ZNF534: variants seen among roughly 807,000 people sequenced by gnomAD.
ZNF534 encodes zinc finger protein 534, also known as KRAB domain only 3.
In ZNF534, 19 loss-of-function variants were observed where a neutral mutation model predicts 13.6. That is an observed-to-expected ratio of 1.40 (90% CI 0.97 to 2.05). ZNF534 has a LOEUF of 2.05. Ranked by LOEUF, ZNF534 falls within the 30% of genes most tolerant of loss-of-function variation. The probability of loss-of-function intolerance (pLI) is 0.00; values close to 1 mark genes in which losing one functional copy is unlikely to be tolerated. For synonymous variants in ZNF534, 244 were observed against 273.8 expected, an observed-to-expected ratio of 0.89 and a Z score of 1.07; for missense variants, 782 against 796.3, an observed-to-expected ratio of 0.98 and a Z score of 0.22.
At chr19:52,430,023 T>A in intron 1 of ZNF534, among the ~76,000 whole-genome samples, 1 of 151,462 alleles carries the variant, frequency 6.6e-6, no homozygotes, top group African/African-American at 2.4e-5. Context: ...ATTTTTTTTT[T>A]GGGTTTTTTT....
Position 52,438,667 on chromosome 19 carries a change from A to G in ZNF534, c.1207A>G (p.Ile403Val). The G allele has an allele frequency of 6.3e-7, 1 of 1,581,788 alleles. No homozygotes were observed. The highest frequency in any genetic ancestry group is 2.3e-5 in the East Asian group (1 of 43,082). ...GNSRLARHRK[I>V]HTGGRRYKCN... ...TTCACGCCTTGCACGACATAGGAAA[A>G]TTCATACTGGGGGGAGGCGTTACAA... The change falls in exon 5 of 5, where the codon ATT (isoleucine) becomes GTT (valine). Residue 403 changes from isoleucine (I) to valine (V), a missense_variant. This residue lies in a region of ZNF534 where 591 missense variants were observed against 574.0 expected (regional missense o/e 1.03). Transcript: ENST00000433050.
intron 4 of ZNF534, among the ~76,000 whole-genome samples, chr19:52,449,053 C>T (rs898584320): frequency 6.6e-6 from 1 of 152,136 alleles, no homozygotes; most frequent in Admixed American, 6.5e-5. Context: ...TCTCTACCTC[C>T]ATGAGATTAA....
At chr19:52,444,472 G>C (rs572585500), downstream of ZNF534, among the ~76,000 whole-genome samples, 4 of 152,278 alleles carry the variant, frequency 2.6e-5, no homozygotes, top group East Asian at 5.8e-4. Flanking sequence ...TTTTGTGCTG[G>C]TTGGCCTCCT....
chr19:52,432,674 C>T (rs2059095667), intron 2 of ZNF534, among the ~76,000 whole-genome samples: 1 of 149,026 alleles, frequency 6.7e-6, no homozygotes, highest in South Asian at 2.1e-4. Flanking sequence ...GCCCTGTCAC[C>T]CAGGCTGGAG....
rs770219049 is a variant in ZNF534, at chr19:52,438,611, G to GTAA, written c.1153_1155dup (p.Asn385dup). 1 of 1,589,754 alleles carries GTAA rather than the reference G, an allele frequency of 6.3e-7. No homozygotes were observed. The highest frequency in any genetic ancestry group is 8.6e-7 in the Non-Finnish European group (1 of 1,166,746). ...CATACTGGAGAGAAACCTTACAAAT[G>GTAA]TAATGAGTGTGGCAAGGTCTTTATT... is the stretch of plus-strand genomic sequence containing the variant. On this transcript the variant is annotated inframe_insertion, in exon 5 of 5. Coordinates refer to ENST00000433050, the MANE Select transcript of ZNF534 (RefSeq NM_001143938.3).
At chr19:52,433,021 T>C in intron 2 of ZNF534, among the ~76,000 whole-genome samples, 1 of 151,828 alleles carries the variant, frequency 6.6e-6, no homozygotes, top group African/African-American at 2.4e-5. Context: ...GGTGGGAGGA[T>C]CACTTGAGCT....
Position 52,438,743 on chromosome 19 carries a change from ATCT to A in ZNF534, c.1287_1289del (p.Leu430del), listed in dbSNP as rs752790421. 46 of 1,598,484 alleles carry A rather than the reference ATCT, an allele frequency of 2.9e-5. No individual in the cohort carries two copies. The highest frequency in any genetic ancestry group is 3.9e-5 in the Non-Finnish European group (46 of 1,171,848). Reference sequence around the variant, plus strand: ...AGAACGTGTTCAGATCTCACTGCCCATCTTCTAATCCATACTGGAGAGAAACCT... The same window carrying A: ...AGAACGTGTTCAGATCTCACTGCCCATCTAATCCATACTGGAGAGAAACCT... On this transcript the variant is annotated inframe_deletion, in exon 5 of 5. Coordinates refer to ENST00000433050, the MANE Select transcript of ZNF534 (RefSeq NM_001143938.3).
chr19:52,450,108 CTCTAAT>C (rs1212817323), intron 4 of ZNF534, among the ~76,000 whole-genome samples: 1 of 152,136 alleles, frequency 6.6e-6, no homozygotes, highest in East Asian at 1.9e-4. Context: ...TAAATATTTT[CTCTAAT>C]TCTGTCACTT....
intron 2 of ZNF534, among the ~76,000 whole-genome samples, chr19:52,433,711 G>A (rs1325844712): frequency 6.6e-6 from 1 of 152,132 alleles, no homozygotes; most frequent in Non-Finnish European, 1.5e-5. Flanking sequence ...TTAATTTTTT[G>A]TTTGTATTGC....
rs556905049 is a variant in ZNF534 at position 52,440,616 on chromosome 19, A to T, written c.*1170A>T. Among the ~76,000 whole-genome samples, 6 of 152,010 alleles carry T rather than the reference A, an allele frequency of 3.9e-5. No homozygotes were observed. The highest frequency in any genetic ancestry group is 1.3e-4 in the Admixed American group (2 of 15,266). On this transcript the variant is annotated 3_prime_UTR_variant, in exon 5 of 5. Coordinates refer to ENST00000433050, the MANE Select transcript of ZNF534 (RefSeq NM_001143938.3). Reference sequence around the variant, plus strand: ...ACCAATGTGTTGAAACCCCATCACTACTAAAAATAAAAAAAATAGCTGGGT... The same window carrying T: ...ACCAATGTGTTGAAACCCCATCACTTCTAAAAATAAAAAAAATAGCTGGGT...
Sources: allele counts gnomAD v4.1 joint callset (sites outside exome capture counted in the v4.1 genomes callset), GRCh38; gene constraint gnomAD v4.1.1; regional missense constraint gnomAD v4.1.1; transcripts MANE v1.5; gene names NCBI Gene and HGNC (gene_info 2026-07-23, HGNC 2026-07-21).